Variants in TICRR observed in about 807,000 individuals in gnomAD.
TICRR encodes the protein treslin.
TICRR carries 132 observed loss-of-function variants against 178.1 expected under a neutral mutation model. The observed-to-expected ratio is 0.74, with a 90% CI of 0.64 to 0.86. The LOEUF (loss-of-function observed/expected upper bound fraction) is 0.86, where lower values mean the gene tolerates loss of function less well. Among genes scored for constraint, TICRR ranks in the 40% least tolerant of loss-of-function variants. The pLI, the probability that TICRR is intolerant of heterozygous loss-of-function variation, is 0.00. For synonymous variants in TICRR, 991 were observed against 900.7 expected, an observed-to-expected ratio of 1.10 and a Z score of -1.79; for missense variants, 2,587 against 2,334.3, an observed-to-expected ratio of 1.11 and a Z score of -2.23.
chr15:89,605,289 A>G (rs1275106980), intron 13 of TICRR, among the ~76,000 whole-genome samples: 1 of 152,234 alleles, frequency 6.6e-6, no homozygotes, highest in Admixed American at 6.5e-5. Context: ...TTTATTTTCA[A>G]AAACAAGAGG....
intron 7 of TICRR, among the ~76,000 whole-genome samples, chr15:89,597,334 G>A (rs1328186188): frequency 6.6e-6 from 1 of 151,970 alleles, no homozygotes; most frequent in Admixed American, 6.6e-5. Context: ...GATCAGCCTG[G>A]CCAGCATGGT....
intron 9 of TICRR, among the ~76,000 whole-genome samples, chr15:89,601,048 GAAAAAAAAA>G (rs71151515): frequency 5.3e-5 from 4 of 74,818 alleles, no homozygotes; most frequent in South Asian, 1.3e-3. Context: ...CCTGTCTCAG[GAAAAAAAAA>G]AAAAAAAAAA....
intron 2 of TICRR, 46 bp from the exon 3 acceptor site, chr15:89,584,240 T>A (rs756033876): frequency 1.2e-5 from 18 of 1,519,044 alleles, no homozygotes; most frequent in Middle Eastern, 3.5e-4. Flanking sequence ...AATCTTTTTT[T>A]AAAATTTTAA....
rs555982043 is a variant in TICRR at position 89,624,495 on chromosome 15, C to T, written c.4185C>T (p.Ile1395=). The part of the protein sequence containing the change: ...CRKTSDPRRS[I]VECQPDASAT... ...AGACCTCTGATCCCAGAAGGAGCAT[C>T]GTGGAGTGTCAGCCTGATGCCTCCG... Residue 1395 remains isoleucine (I), a synonymous_variant, in exon 20 of 22, where the codon ATC becomes ATT. Coordinates refer to ENST00000268138, the MANE Select transcript of TICRR (RefSeq NM_152259.4). The T allele has an allele frequency of 4.5e-5, 73 of 1,614,002 alleles. No homozygotes were observed. The Middle Eastern group carries it at 4.9e-4, about 11-fold the overall frequency.
At position 89,625,974 on chromosome 15, in the gene TICRR, C is replaced by G. The variant is rs1385743030; in HGVS notation, c.5515C>G (p.Leu1839Val). 5 of 1,603,872 alleles carry G rather than the reference C, an allele frequency of 3.1e-6. No individual in the cohort carries two copies. Among genetic ancestry groups the G allele is most frequent in the Non-Finnish European group, 4.3e-6 (5 of 1,175,694 alleles). Reference protein sequence around the residue: ...PPPSCAVRSCLSASALQALTQ... With the variant: ...PPPSCAVRSCVSASALQALTQ... Reference sequence around the variant, plus strand: ...TCCCAGCTGTGCCGTGCGGAGCTGCCTCTCTGCCAGTGCCCTCCAGGCTCT... The same window carrying G: ...TCCCAGCTGTGCCGTGCGGAGCTGCGTCTCTGCCAGTGCCCTCCAGGCTCT... Residue 1839 changes from leucine to valine, a missense_variant, in exon 21 of 22, where the codon CTC (leucine) becomes GTC (valine). Coordinates refer to ENST00000268138, the MANE Select transcript of TICRR (RefSeq NM_152259.4).
chr15:89,605,570 A>G (rs1385570729), intron 13 of TICRR, among the ~76,000 whole-genome samples: 1 of 152,182 alleles, frequency 6.6e-6, no homozygotes, highest in Non-Finnish European at 1.5e-5. Context: ...CATGTTAGCC[A>G]GGATGGTCTC....
chr15:89,613,135 G>C (rs1264408314), intron 15 of TICRR, among the ~76,000 whole-genome samples: 1 of 151,766 alleles, frequency 6.6e-6, no homozygotes, highest in African/African-American at 2.4e-5. Context: ...GACAAATTCT[G>C]TTTTATTTTG....
intron 1 of TICRR, 60 bp from the exon 2 acceptor site, chr15:89,582,621 CCTTTA>C (rs1311284695): frequency 2.1e-6 from 3 of 1,455,658 alleles, no homozygotes; most frequent in Non-Finnish European, 1.9e-6. Flanking sequence ...CTCCTGATTT[CCTTTA>C]CTTTTATTTG....
At chr15:89,588,507 G>A (rs888158302) in intron 4 of TICRR, among the ~76,000 whole-genome samples, 3 of 152,168 alleles carry the variant, frequency 2.0e-5, no homozygotes, top group Non-Finnish European at 2.9e-5. Context: ...TGAGGACAAC[G>A]GAAGGACAGG....
At position 89,576,234 on chromosome 15, in the gene TICRR, G is replaced by C. The variant is rs1567037729; in HGVS notation, c.648G>C (p.Trp216Cys). ...ITFYWVDTTEWSKLWESPDHL... is the reference protein window; with the variant it reads ...ITFYWVDTTECSKLWESPDHL... ...TCTACTGGGTGGATACCACCGAATG[G>C]TCTAAGGTAAGGAAGGTTACTGTCG... The change falls in exon 1 of 22, where the codon TGG becomes TGC. Residue 216 changes from tryptophan to cysteine, a missense_variant. Transcript: ENST00000268138. The C allele has an allele frequency of 6.4e-7, 1 of 1,564,024 alleles. No individual in the cohort carries two copies. The highest frequency in any genetic ancestry group is 2.3e-5 in the East Asian group (1 of 44,386).
chr15:89,616,580 C>A, intron 16 of TICRR, 85 bp downstream of exon 16: 2 of 1,020,802 alleles, frequency 2.0e-6, no homozygotes, highest in East Asian at 2.5e-5. Context: ...CTTCTCTTGA[C>A]CTTCATGACT....
Position 89,601,543 on chromosome 15 carries a change from G to A in TICRR, c.2302G>A (p.Glu768Lys), listed in dbSNP as rs757664725. Residue 768 changes from glutamate to lysine, a missense_variant, in exon 11 of 22, where the codon GAG becomes AAG. By Grantham distance (56) the Glu-to-Lys change is moderately conservative (BLOSUM62 1). Coordinates refer to ENST00000268138, the MANE Select transcript of TICRR (RefSeq NM_152259.4). ...AACTGAGGATTCAGCGTACCTAGCAGAGTTTCTGGAGGAAATTTTGAGATT... is the reference window on the plus strand; with the variant it reads ...AACTGAGGATTCAGCGTACCTAGCAAAGTTTCTGGAGGAAATTTTGAGATT... ...CLTEDSAYLA[E>K]FLEEILRLYI... The A allele has an allele frequency of 6.2e-7, 1 of 1,614,206 alleles. No individual in the cohort carries two copies. The highest frequency in any genetic ancestry group is 8.5e-7 in the Non-Finnish European group (1 of 1,180,028).
intron 15 of TICRR, among the ~76,000 whole-genome samples, chr15:89,609,880 T>A (rs1963231974): frequency 6.6e-6 from 1 of 152,210 alleles, no homozygotes; most frequent in African/African-American, 2.4e-5. Flanking sequence ...GCTATTGATT[T>A]GAGATCTTTT....
intron 5 of TICRR, among the ~76,000 whole-genome samples, chr15:89,593,960 C>T (rs2141959992): frequency 6.6e-6 from 1 of 152,288 alleles, no homozygotes; most frequent in South Asian, 2.1e-4. Context: ...CTCCTGCCTG[C>T]CCTACTTCCT....
intron 12 of TICRR, 72 bp from the exon 13 acceptor site, chr15:89,602,724 C>T (rs1033471958): frequency 1.5e-6 from 1 of 675,940 alleles, no homozygotes; most frequent in East Asian, 3.5e-5. Flanking sequence ...TTTACTTAGA[C>T]TCCAGTTCCA....
At chr15:89,626,085 AC>A in intron 21 of TICRR, 24 bp downstream of exon 21, 2 of 1,609,770 alleles carry the variant, frequency 1.2e-6, no homozygotes, top group Non-Finnish European at 1.7e-6. Flanking sequence ...AAGGTCTAGG[AC>A]CCTTTCCTGT....
intron 8 of TICRR, among the ~76,000 whole-genome samples, chr15:89,599,697 T>C (rs1963061418): frequency 6.6e-6 from 1 of 152,252 alleles, no homozygotes; most frequent in South Asian, 2.1e-4. Context: ...GATAATTACA[T>C]ATAATTCTCT....
rs748040400 is a variant in TICRR, at chr15:89,623,751, T to C, written c.3441T>C (p.Pro1147=). Residue 1147 remains proline (P), a synonymous_variant, in exon 20 of 22, where the codon CCT becomes CCC. Coordinates refer to ENST00000268138, the MANE Select transcript of TICRR (RefSeq NM_152259.4). ...AGAAGTCCCCTGCAAAAATGACCCCTACAAAGCAGGCAGCTTTTAAGGAGT... is the reference window on the plus strand; with the variant it reads ...AGAAGTCCCCTGCAAAAATGACCCCCACAAAGCAGGCAGCTTTTAAGGAGT... ...RLQKSPAKMT[P]TKQAAFKESL... The C allele has an allele frequency of 1.2e-6, 2 of 1,613,892 alleles. No homozygotes were observed. Among genetic ancestry groups the C allele is most frequent in the Admixed American group, 3.3e-5 (2 of 60,008 alleles).
chr15:89,603,417 A>G (rs760063801), intron 13 of TICRR, among the ~76,000 whole-genome samples: 5 of 152,142 alleles, frequency 3.3e-5, no homozygotes, highest in Non-Finnish European at 7.3e-5. Flanking sequence ...TCTCTACAAA[A>G]AATAAAATTA....
Sources: allele counts gnomAD v4.1 joint callset (sites outside exome capture counted in the v4.1 genomes callset), GRCh38; gene constraint gnomAD v4.1.1; transcripts MANE v1.5; gene names NCBI Gene and HGNC (gene_info 2026-07-23, HGNC 2026-07-21).